HECTD4: variants seen among roughly 807,000 people sequenced by gnomAD.
The protein encoded by HECTD4 is HECT domain E3 ubiquitin protein ligase 4, also known as probable E3 ubiquitin-protein ligase HECTD4.
A neutral mutation model predicts 471.5 loss-of-function variants in HECTD4; 114 were observed. That is an observed-to-expected ratio of 0.24 (90% confidence interval 0.21 to 0.28). The LOEUF (loss-of-function observed/expected upper bound fraction) is 0.28, where lower values mean the gene tolerates loss of function less well. HECTD4 is among the 10% of genes least tolerant of loss of function. The pLI is 1.00. For missense variants in HECTD4, 3,866 were observed against 5,651.5 expected, an observed-to-expected ratio of 0.68 and a Z score of 10.13; for synonymous variants, 2,012 against 2,256.0, an observed-to-expected ratio of 0.89 and a Z score of 3.07.
intron 1 of HECTD4, among the ~76,000 whole-genome samples, chr12:112,345,550 A>G (rs2036133087): frequency 6.6e-6 from 1 of 152,320 alleles, no homozygotes; most frequent in South Asian, 2.1e-4. Flanking sequence ...TTCATGAAAT[A>G]ATGAGGTTCG....
intron 2 of HECTD4, among the ~76,000 whole-genome samples, chr12:112,317,058 T>G (rs957949903): frequency 3.3e-5 from 5 of 152,242 alleles, no homozygotes; most frequent in African/African-American, 1.2e-4. Flanking sequence ...GAGTTGATAA[T>G]TATTCCTAAC....
At position 112,190,776 on chromosome 12, in the gene HECTD4, G is replaced by A; in HGVS notation, c.9472+10C>T. The A allele has an allele frequency of 1.3e-6, 2 of 1,565,688 alleles. No homozygotes were observed. The highest frequency in any genetic ancestry group is 1.8e-5 in the Admixed American group (1 of 54,384). ...CCCTAGATTCCGATCCCCAGGGAAG[G>A]CAGCCTCACCTAGCAGCTCCACCAC... On this transcript the variant is annotated intron_variant, in intron 60 of 75. Transcript: ENST00000682272.
chr12:112,167,972 C>A (rs757256506), intron 70 of HECTD4, 55 bp from the exon 71 acceptor site: 2 of 1,303,180 alleles, frequency 1.5e-6, no homozygotes, highest in Non-Finnish European at 1.1e-6. Flanking sequence ...GGAGGCGACA[C>A]CGTTCCCTCC....
intron 7 of HECTD4, among the ~76,000 whole-genome samples, chr12:112,295,339 C>T (rs985451840): frequency 6.7e-6 from 1 of 149,460 alleles, no homozygotes; most frequent in Non-Finnish European, 1.5e-5. Flanking sequence ...TAAAATATTT[C>T]ATATAGAAAA....
In HECTD4 at chr12:112,203,665, G is replaced by A. The variant is rs772654858; in HGVS notation, c.8377C>T (p.Leu2793Phe). The change falls in exon 54 of 76, where the codon CTT (leucine) becomes TTT (phenylalanine). Residue 2793 changes from leucine to phenylalanine, a missense_variant. Physicochemically the swap from Leu to Phe is conservative, Grantham distance 22 (BLOSUM62 0). Around this residue, in one of 16 missense-constraint regions of HECTD4, gnomAD observed 266 missense variants for 441.6 expected, o/e 0.60. Coordinates refer to ENST00000682272, the MANE Select transcript of HECTD4 (RefSeq NM_001388303.1). ...TCAACATCTAAGACGACTCCATGAA[G>A]CCCAAAGGTTTTCAGCATCCCTCGG... ...AIRGMLKTFG[L>F]HGVVLDVDSV... The A allele has an allele frequency of 6.2e-7, 1 of 1,613,452 alleles. No individual in the cohort carries two copies. The highest frequency in any genetic ancestry group is 2.2e-5 in the East Asian group (1 of 44,856).
At chr12:112,251,211 C>T (rs2033876697) in intron 23 of HECTD4, 77 bp from the exon 24 acceptor site, 1 of 1,412,904 alleles carries the variant, frequency 7.1e-7, no homozygotes, top group East Asian at 2.3e-5. Flanking sequence ...CCCCACACTG[C>T]ACTGTCCCCA....
At position 112,188,930 on chromosome 12, in the gene HECTD4, G is replaced by A. The variant is rs2031978829; in HGVS notation, c.9472+1856C>T. On this transcript the variant is annotated intron_variant, in intron 60 of 75. Transcript: ENST00000682272. This position sits in a 1 kb window ranked among gnomAD's most constrained non-coding sequence, Gnocchi z 4.2. ...CTACCATTTAGCATTCATGTAAGAC[G>A]ACCTTGGAGAGAATTCTTCACCAAA... Among the ~76,000 whole-genome samples, 3 of 152,314 alleles carry A rather than the reference G, an allele frequency of 2.0e-5. No individual in the cohort carries two copies. The highest frequency in any genetic ancestry group is 2.1e-4 in the South Asian group (1 of 4,834).
chr12:112,280,915 C>T (rs1426015887), intron 8 of HECTD4, among the ~76,000 whole-genome samples: 6 of 151,664 alleles, frequency 4.0e-5, no homozygotes, highest in African/African-American at 1.2e-4. Flanking sequence ...CAGCCCCTCC[C>T]GAGTAGCTGA....
intron 7 of HECTD4, among the ~76,000 whole-genome samples, chr12:112,305,490 T>A (rs2035253788): frequency 6.6e-6 from 1 of 152,138 alleles, no homozygotes; most frequent in South Asian, 2.1e-4. Context: ...TAATTACGAT[T>A]ATCTCGTGCG....
intron 34 of HECTD4, among the ~76,000 whole-genome samples, chr12:112,237,588 C>T (rs943130374): frequency 1.3e-5 from 2 of 152,172 alleles, no homozygotes; most frequent in Non-Finnish European, 2.9e-5. Context: ...AAAGTATTCT[C>T]CTTCCTTCAA....
At chr12:112,246,833 T>C in intron 29 of HECTD4, 68 bp downstream of exon 29, 1 of 1,390,698 alleles carries the variant, frequency 7.2e-7, no homozygotes, top group Admixed American at 2.7e-5. Flanking sequence ...GCTGTGTGTC[T>C]TATATGAACA....
intron 1 of HECTD4, among the ~76,000 whole-genome samples, chr12:112,336,538 C>T (rs572660657): frequency 2.4e-4 from 36 of 151,140 alleles, no homozygotes; most frequent in Admixed American, 5.9e-4. Flanking sequence ...AAAAAAAATT[C>T]GCACAATTAT....
intron 1 of HECTD4, among the ~76,000 whole-genome samples, chr12:112,340,539 TG>T (rs1219028930): frequency 5.3e-5 from 8 of 152,162 alleles, no homozygotes; most frequent in Non-Finnish European, 1.0e-4. Flanking sequence ...GACGAGCTAC[TG>T]GCATCTAGTG....
chr12:112,233,217 T>C, intron 37 of HECTD4, 132 bp from the exon 38 acceptor site: 4 of 239,946 alleles, frequency 1.7e-5, no homozygotes, highest in Non-Finnish European at 2.3e-5. Flanking sequence ...ACATTAGCTT[T>C]TTTTTTTTTT....
chr12:112,282,170 T>A (rs2034658499), intron 8 of HECTD4, among the ~76,000 whole-genome samples: 1 of 152,034 alleles, frequency 6.6e-6, no homozygotes, highest in South Asian at 2.1e-4. Context: ...GATCACGAGG[T>A]CAGGAGATCG....
At position 112,162,540 on chromosome 12, in the gene HECTD4, C is replaced by T; in HGVS notation, c.13121-17G>A. On this transcript the variant is annotated splice_polypyrimidine_tract_variant and intron_variant, in intron 75 of 75. Coordinates refer to ENST00000682272, the MANE Select transcript of HECTD4 (RefSeq NM_001388303.1). The surrounding 1 kb of genome is among the most constrained non-coding windows in gnomAD (Gnocchi z 5.2). ...CTGGGGAACCTACAAGAAACCGAGC[C>T]AGCATCAGAGGGTTGGGCCCACATC... is the stretch of plus-strand genomic sequence containing the variant. The T allele has an allele frequency of 1.2e-6, 2 of 1,613,876 alleles. No homozygotes were observed. Among genetic ancestry groups the T allele is most frequent in the South Asian group, 2.2e-5 (2 of 91,070 alleles).
At chr12:112,353,420 T>G (rs1427836259) in intron 1 of HECTD4, among the ~76,000 whole-genome samples, 1 of 152,254 alleles carries the variant, frequency 6.6e-6, no homozygotes, top group Non-Finnish European at 1.5e-5. Context: ...GTCATTTCTC[T>G]TATAGAAGAA....
At chr12:112,283,375 T>C in intron 7 of HECTD4, 73 bp from the exon 8 acceptor site, 4 of 1,145,780 alleles carry the variant, frequency 3.5e-6, no homozygotes, top group Non-Finnish European at 4.9e-6. Context: ...ACTGAGGATA[T>C]TATTGTGAGT....
chr12:112,233,149 C>T, intron 37 of HECTD4, 64 bp from the exon 38 acceptor site: 1 of 1,328,242 alleles, frequency 7.5e-7, no homozygotes, highest in East Asian at 2.5e-5. Context: ...GGGCTGCATG[C>T]CATGGGGTCA....
Sources: allele counts gnomAD v4.1 joint callset (sites outside exome capture counted in the v4.1 genomes callset), GRCh38; gene constraint gnomAD v4.1.1; regional missense constraint gnomAD v4.1.1; non-coding constraint Gnocchi (gnomAD v3.1); transcripts MANE v1.5; gene names NCBI Gene and HGNC (gene_info 2026-07-23, HGNC 2026-07-21).